The following LRMDA variants were observed in gnomAD, a reference collection of about 807,000 sequenced individuals.
LRMDA encodes the protein leucine rich melanocyte differentiation associated, also known as leucine-rich melanocyte differentiation-associated protein.
Under a neutral mutation model 29.8 loss-of-function variants are expected in LRMDA, and 18 were observed. That is an observed-to-expected ratio of 0.60 (90% CI 0.42 to 0.90). LRMDA has a LOEUF of 0.90. LRMDA is among the 40% of genes least tolerant of loss of function. The pLI is 0.00. For synonymous variants in LRMDA, 125 were observed against 109.4 expected (o/e 1.14, Z -0.89); for missense variants, 273 against 273.9 (o/e 1.00, Z 0.02).
intron 5 of LRMDA, among the ~76,000 whole-genome samples, chr10:76,206,917 G>A (rs1320398783): frequency 2.0e-5 from 3 of 152,170 alleles, no homozygotes; most frequent in Admixed American, 6.5e-5. Context: ...TGCGCCAAAC[G>A]CTCTACAGAA....
chr10:75,490,355 A>G (rs1303998305), intron 2 of LRMDA, among the ~76,000 whole-genome samples: 3 of 148,226 alleles, frequency 2.0e-5, no homozygotes, highest in African/African-American at 5.3e-5. Flanking sequence ...ACACACACAC[A>G]CACACACACA....
intron 6 of LRMDA, among the ~76,000 whole-genome samples, chr10:76,365,085 C>T (rs186764772): frequency 0.24 from 16,824 of 70,816 alleles, 3,483 homozygotes; most frequent in Non-Finnish European, 0.39. Context: ...CACACACACA[C>T]ATATATATAT....
chr10:76,161,709 G>A (rs1412560878), intron 5 of LRMDA, among the ~76,000 whole-genome samples: 2 of 152,188 alleles, frequency 1.3e-5, no homozygotes, highest in Admixed American at 6.5e-5. Context: ...CTGTCCACCT[G>A]GCCTTCCTGC....
intron 2 of LRMDA, among the ~76,000 whole-genome samples, chr10:75,515,919 T>G (rs926082121): frequency 3.3e-5 from 5 of 152,096 alleles, no homozygotes; most frequent in Non-Finnish European, 5.9e-5. Flanking sequence ...GTGTTCTCAG[T>G]GTTCAGTTCC....
At chr10:76,417,770 A>G (rs1167044118) in intron 6 of LRMDA, among the ~76,000 whole-genome samples, 2 of 152,134 alleles carry the variant, frequency 1.3e-5, no homozygotes, top group Admixed American at 6.6e-5. Context: ...TGTCTACTCA[A>G]AGGTCATGAC....
intron 2 of LRMDA, among the ~76,000 whole-genome samples, chr10:75,793,105 A>G (rs1159571612): frequency 1.3e-5 from 2 of 152,228 alleles, no homozygotes; most frequent in African/African-American, 4.8e-5. Context: ...AAGGGATAGC[A>G]TACAGAAACA....
chr10:76,282,427 C>T (rs149263025), intron 5 of LRMDA, among the ~76,000 whole-genome samples: 2 of 152,268 alleles, frequency 1.3e-5, no homozygotes, highest in Admixed American at 6.5e-5. Context: ...TTTCAGCCTG[C>T]GTCGACCCCA....
intron 2 of LRMDA, among the ~76,000 whole-genome samples, chr10:75,870,205 A>G (rs1270002697): frequency 5.3e-5 from 8 of 152,238 alleles, no homozygotes; most frequent in Non-Finnish European, 1.2e-4. Context: ...TTCATATTTC[A>G]GTGTCCACAA....
intron 2 of LRMDA, among the ~76,000 whole-genome samples, chr10:75,835,052 T>G (rs1434752096): frequency 1.3e-5 from 2 of 152,220 alleles, no homozygotes. Flanking sequence ...AAGTGTAAAA[T>G]CTGTATTCGT....
intron 5 of LRMDA, among the ~76,000 whole-genome samples, chr10:76,219,182 G>A (rs1295263618): frequency 1.3e-5 from 2 of 152,124 alleles, no homozygotes; most frequent in Non-Finnish European, 2.9e-5. Flanking sequence ...AAAGACCATC[G>A]AGGCTAGGAA....
intron 2 of LRMDA, among the ~76,000 whole-genome samples, chr10:75,593,744 G>T (rs150671902): frequency 6.6e-6 from 1 of 152,076 alleles, no homozygotes; most frequent in Non-Finnish European, 1.5e-5. Flanking sequence ...GGAAGTTCAC[G>T]TCAGGGGCTA....
At chr10:76,420,246 A>G (rs1842058789) in intron 6 of LRMDA, among the ~76,000 whole-genome samples, 1 of 151,928 alleles carries the variant, frequency 6.6e-6, no homozygotes, top group South Asian at 2.1e-4. Context: ...AAGATATATG[A>G]CTATTCTATT....
chr10:76,449,875 T>C (rs1488812058), intron 6 of LRMDA, among the ~76,000 whole-genome samples: 1 of 152,060 alleles, frequency 6.6e-6, no homozygotes, highest in Non-Finnish European at 1.5e-5. Flanking sequence ...CCTGGTGTTA[T>C]GCTATCAACA....
At chr10:76,130,434 A>G (rs1330712078) in intron 5 of LRMDA, among the ~76,000 whole-genome samples, 1 of 152,168 alleles carries the variant, frequency 6.6e-6, no homozygotes, top group African/African-American at 2.4e-5. Context: ...ACAGGTTCTG[A>G]TAACTTGTAA....
chr10:76,013,714 C>T (rs1315624294), intron 2 of LRMDA, among the ~76,000 whole-genome samples: 1 of 152,098 alleles, frequency 6.6e-6, no homozygotes, highest in Non-Finnish European at 1.5e-5. Context: ...TGACAAGCCA[C>T]ACCACCCATC....
At chr10:76,495,059 A>G (rs190994468) in intron 6 of LRMDA, among the ~76,000 whole-genome samples, 17 of 151,966 alleles carry the variant, frequency 1.1e-4, no homozygotes, top group Admixed American at 5.3e-4. Flanking sequence ...ATTTTTTGCT[A>G]TCAACTCTAA....
At chr10:75,745,348 C>G (rs1423901822) in intron 2 of LRMDA, among the ~76,000 whole-genome samples, 1 of 152,092 alleles carries the variant, frequency 6.6e-6, no homozygotes, top group African/African-American at 2.4e-5. Context: ...GGGTGAAATT[C>G]ACATAACATG....
intron 5 of LRMDA, among the ~76,000 whole-genome samples, chr10:76,103,181 T>C (rs190741505): frequency 6.6e-6 from 1 of 152,310 alleles, no homozygotes; most frequent in Admixed American, 6.5e-5. Flanking sequence ...GTAGGAACCT[T>C]TGTAGCTTCT....
At chr10:75,639,976 C>T (rs1352890232) in intron 2 of LRMDA, among the ~76,000 whole-genome samples, 4 of 152,218 alleles carry the variant, frequency 2.6e-5, no homozygotes, top group African/African-American at 9.6e-5. Context: ...GAAAGATATA[C>T]AGCCAAAGAT....
Sources: allele counts gnomAD v4.1 joint callset (sites outside exome capture counted in the v4.1 genomes callset), GRCh38; gene constraint gnomAD v4.1.1; transcripts MANE v1.5; gene names NCBI Gene and HGNC (gene_info 2026-07-23, HGNC 2026-07-21).